The following ADAMTS13 variants were observed in gnomAD, a reference collection of about 807,000 sequenced individuals.
ADAMTS13 encodes ADAM metallopeptidase with thrombospondin type 1 motif 13, also known as A disintegrin and metalloproteinase with thrombospondin motifs 13.
In ADAMTS13, 110 loss-of-function variants were observed where a neutral mutation model predicts 155.1. The observed-to-expected ratio is 0.71, with a 90% CI of 0.61 to 0.83. The LOEUF is 0.83. ADAMTS13 is among the 40% of genes least tolerant of loss of function. The pLI, the probability that ADAMTS13 is intolerant of heterozygous loss-of-function variation, is 0.00. For missense variants in ADAMTS13, 1,707 were observed against 1,891.7 expected (o/e 0.90, Z 1.81); for synonymous variants, 758 against 756.4 (o/e 1.00, Z -0.03).
chr9:133,437,488 C>A lies in ADAMTS13; in HGVS notation c.1436-261C>A, dbSNP rs151126001. ...GGCTAGGCTGGTTTCAAACTCCTGA[C>A]GTCAGGTGATCCGCCTGCCTCGGCT... On this transcript the variant is annotated intron_variant, in intron 12 of 28. Transcript: ENST00000355699. 5.5e-4 allele frequency among the ~76,000 whole-genome samples: 83 copies of A among 152,290 alleles called. 2 individuals carry two copies. The highest frequency in any genetic ancestry group is 1.9e-3 in the African/African-American group (79 of 41,548).
intron 9 of ADAMTS13, among the ~76,000 whole-genome samples, chr9:133,432,898 C>G (rs895167853): frequency 6.6e-6 from 1 of 151,518 alleles, no homozygotes; most frequent in Non-Finnish European, 1.5e-5. Context: ...TGTGGGCTGC[C>G]TGTTGTATGG....
At chr9:133,434,556 C>T (rs1056817774) in intron 11 of ADAMTS13, among the ~76,000 whole-genome samples, 4 of 152,304 alleles carry the variant, frequency 2.6e-5, no homozygotes, top group African/African-American at 7.2e-5. Flanking sequence ...CCGCCTGCCT[C>T]GGCCTCCCAA....
chr9:133,452,835 C>T (rs1041876628), intron 23 of ADAMTS13, among the ~76,000 whole-genome samples: 2 of 152,200 alleles, frequency 1.3e-5, no homozygotes, highest in African/African-American at 2.4e-5. Context: ...GCTGTAGCCA[C>T]GCTGGCCTCA....
chr9:133,458,766 C>T (rs894378777), intron 28 of ADAMTS13, among the ~76,000 whole-genome samples: 10 of 152,138 alleles, frequency 6.6e-5, no homozygotes, highest in African/African-American at 1.2e-4. Context: ...AGCCTGGCCC[C>T]GCTCTGGCAC....
rs200427412 is a variant in ADAMTS13 at position 133,438,382 on chromosome 9, C to T, written c.1705+16C>T. On this transcript the variant is annotated intron_variant, in intron 14 of 28. Coordinates refer to ENST00000355699, the MANE Select transcript of ADAMTS13 (RefSeq NM_139027.6). Reference sequence around the variant, plus strand: ...AGAGCGAGAGGTAGGCGGCCTCCCTCGGGGCAGAGGCTGGGCTTCCCCCAG... The same window carrying T: ...AGAGCGAGAGGTAGGCGGCCTCCCTTGGGGCAGAGGCTGGGCTTCCCCCAG... The T allele has an allele frequency of 1.3e-5, 21 of 1,613,226 alleles. No homozygotes were observed. Among genetic ancestry groups the T allele is most frequent in the Middle Eastern group, 1.7e-4 (1 of 6,034 alleles).
At chr9:133,454,095 C>A (rs1554794981) in intron 23 of ADAMTS13, among the ~76,000 whole-genome samples, 1 of 152,162 alleles carries the variant, frequency 6.6e-6, no homozygotes, top group African/African-American at 2.4e-5. Context: ...TACCCAGGGG[C>A]TCGCTTCCTG....
chr9:133,442,145 C>T (rs781961674), intron 16 of ADAMTS13, among the ~76,000 whole-genome samples: 6 of 152,066 alleles, frequency 3.9e-5, no homozygotes, highest in African/African-American at 7.2e-5. Flanking sequence ...TAGAGAGGGT[C>T]TCACTGTTGG....
At chr9:133,417,504 G>C, upstream of ADAMTS13, 1 of 1,089,512 alleles carries the variant, frequency 9.2e-7, no homozygotes. Context: ...CTGTTTACAA[G>C]ATTTCGATTC....
At chr9:133,432,076 C>T (rs1840812519) in intron 8 of ADAMTS13, among the ~76,000 whole-genome samples, 1 of 152,184 alleles carries the variant, frequency 6.6e-6, no homozygotes, top group South Asian at 2.1e-4. Flanking sequence ...CCAGCCTGAC[C>T]AACATGGAGA....
rs587642577 is a variant in ADAMTS13, at chr9:133,456,441, T to C, written c.3548-102T>C. 8.2e-6 allele frequency: 12 copies of C among 1,461,836 alleles called. No individual in the cohort carries two copies. In the African/African-American group the frequency reaches 1.5e-4, roughly 19 times the overall value. 90.6% of individuals were successfully genotyped at this position (1,461,836 alleles called of 1,614,324 possible). A position where few individuals can be genotyped will look rare whatever the true frequency, so the allele number is the denominator to read the frequency against. ...TTACTTAGAGTCACATAGCCAGCAG[T>C]GGGAGAGGTGGGACTTGAACTCGGC... On this transcript the variant is annotated intron_variant, in intron 26 of 28. Coordinates refer to ENST00000355699, the MANE Select transcript of ADAMTS13 (RefSeq NM_139027.6). The surrounding 1 kb of genome is among the most constrained non-coding windows in gnomAD (Gnocchi z 4.4).
At chr9:133,417,806 C>A (rs367819874), upstream of ADAMTS13, 5 of 1,606,808 alleles carry the variant, frequency 3.1e-6, no homozygotes, top group Non-Finnish European at 4.2e-6. Flanking sequence ...CGGGGCTGCT[C>A]GGGGCGCGCT....
chr9:133,432,989 ATCCCTGTGTAAGGGG>A (rs1384636116), intron 9 of ADAMTS13, among the ~76,000 whole-genome samples: 179 of 133,552 alleles, frequency 1.3e-3, no homozygotes, highest in Non-Finnish European at 2.4e-3. Context: ...CTCGGGGGGG[ATCCCTGTGTAAGGGG>A]TCCCTGTGAG....
Position 133,440,270 on chromosome 9 carries a change from G to T in ADAMTS13, c.1787-74G>T, listed in dbSNP as rs947036583. The stretch of plus-strand genomic sequence containing the variant: ...GGAGGGCTGGGGACCCCGGGAAGGA[G>T]AGTCACTGACATGTGCCTGTGAGGA... On this transcript the variant is annotated intron_variant, in intron 15 of 28. Coordinates refer to ENST00000355699, the MANE Select transcript of ADAMTS13 (RefSeq NM_139027.6). This position sits in a 1 kb window ranked among gnomAD's most constrained non-coding sequence, Gnocchi z 4.3. 4.4e-6 allele frequency: 7 copies of T among 1,588,542 alleles called. No individual in the cohort carries two copies. Among genetic ancestry groups the T allele is most frequent in the Non-Finnish European group, 6.0e-6 (7 of 1,160,800 alleles).
chr9:133,414,903 G>A lies in ADAMTS13; in HGVS notation n.287+259G>A, dbSNP rs782514055. ...GGCATCTCCTCTCCCTTCACTTGAG[G>A]CGAGGTCTCTTTTTTGTTTTGCTGG... On this transcript the variant is annotated intron_variant and non_coding_transcript_variant, in intron 1 of 17. Transcript: ENST00000485925. 2.9e-5 allele frequency: 47 copies of A among 1,614,070 alleles called. 1 individual carries two copies. In the South Asian group the frequency reaches 4.9e-4, roughly 17 times the overall value.
intron 12 of ADAMTS13, among the ~76,000 whole-genome samples, chr9:133,437,195 C>T (rs1006321023): frequency 1.3e-5 from 2 of 152,150 alleles, no homozygotes; most frequent in Admixed American, 6.5e-5. Flanking sequence ...GCAGTAGGTC[C>T]CTCCCTGGGC....
rs1402781036 is a variant in ADAMTS13, at chr9:133,428,906, C to T, written c.824+135C>T. The stretch of plus-strand genomic sequence containing the variant: ...GTCCCACCCCTCCGTCCAACCCACC[C>T]CTCCGTCCAACCCCGCGCCCACCGC... On this transcript the variant is annotated intron_variant, in intron 7 of 28. Transcript: ENST00000355699. 7 of 1,022,034 alleles carry T rather than the reference C, an allele frequency of 6.8e-6. No homozygotes were observed. The African/African-American group carries it at 1.1e-4, about 16-fold the overall frequency. 63.3% of individuals were successfully genotyped at this position (1,022,034 alleles called of 1,614,324 possible).
intron 12 of ADAMTS13, among the ~76,000 whole-genome samples, 182 bp from the exon 13 acceptor site, chr9:133,437,567 A>C (rs1217515234): frequency 6.6e-6 from 1 of 152,154 alleles, no homozygotes; most frequent in Non-Finnish European, 1.5e-5. Flanking sequence ...CTTGGTTCCT[A>C]ATTCAATACC....
chr9:133,416,617 A>G (rs144482258), intron 1 of ADAMTS13, among the ~76,000 whole-genome samples: 1 of 152,332 alleles, frequency 6.6e-6, no homozygotes, highest in African/African-American at 2.4e-5. Flanking sequence ...TGAGTGACGC[A>G]CGTGGAAGAG....
At chr9:133,449,485 T>TG (rs1487864744) in intron 22 of ADAMTS13, among the ~76,000 whole-genome samples, 1 of 152,096 alleles carries the variant, frequency 6.6e-6, no homozygotes, top group Non-Finnish European at 1.5e-5. Context: ...GGATCACTGT[T>TG]GAAGACAGAC....
Sources: allele counts gnomAD v4.1 joint callset (sites outside exome capture counted in the v4.1 genomes callset), GRCh38; gene constraint gnomAD v4.1.1; non-coding constraint Gnocchi (gnomAD v3.1); transcripts MANE v1.5; gene names NCBI Gene and HGNC (gene_info 2026-07-23, HGNC 2026-07-21).